Variants in MAP2 observed in about 807,000 individuals in gnomAD.
MAP2 encodes microtubule associated protein 2.
A neutral mutation model predicts 137.6 loss-of-function variants in MAP2; 14 were observed. That is an observed-to-expected ratio of 0.10 (90% CI 0.07 to 0.16). The LOEUF is 0.16. Among genes scored for constraint, MAP2 ranks in the 10% least tolerant of loss-of-function variants. The pLI is 1.00. For missense variants in MAP2, 2,088 were observed against 2,191.5 expected (o/e 0.95, Z 0.94); for synonymous variants, 786 against 782.3 (o/e 1.00, Z -0.08).
At chr2:209,516,197 A>T (rs1305466016) in intron 2 of MAP2, among the ~76,000 whole-genome samples, 1 of 152,168 alleles carries the variant, frequency 6.6e-6, no homozygotes, top group Admixed American at 6.6e-5. Flanking sequence ...AAAAATACAC[A>T]TTTATCTAAA....
intron 5 of MAP2, among the ~76,000 whole-genome samples, chr2:209,662,791 G>A (rs1277499445): frequency 6.6e-6 from 1 of 151,540 alleles, no homozygotes; most frequent in African/African-American, 2.4e-5. Flanking sequence ...ATTATGCATG[G>A]CCTTTATCTG....
intron 1 of MAP2, among the ~76,000 whole-genome samples, chr2:209,445,252 T>C (rs1698788804): frequency 6.6e-6 from 1 of 151,628 alleles, no homozygotes. Context: ...TATTTTGCCT[T>C]CATGCTCTCA....
chr2:209,593,812 A>G (rs1307954134), intron 3 of MAP2, among the ~76,000 whole-genome samples: 1 of 48,308 alleles, frequency 2.1e-5, no homozygotes, highest in Admixed American at 3.7e-4. Context: ...TATATAATAT[A>G]ATATAATACA....
At chr2:209,620,807 A>C (rs2090916803) in intron 3 of MAP2, among the ~76,000 whole-genome samples, 1 of 152,224 alleles carries the variant, frequency 6.6e-6, no homozygotes, top group African/African-American at 2.4e-5. Context: ...GGTCAGATTG[A>C]TAGTGGAGGT....
At chr2:209,700,940 C>T (rs543630446) in intron 11 of MAP2, among the ~76,000 whole-genome samples, 22 of 152,146 alleles carry the variant, frequency 1.4e-4, no homozygotes, top group African/African-American at 4.3e-4. Flanking sequence ...TTAATGACTA[C>T]GTAATACTGC....
At chr2:209,612,356 TA>T (rs2087248400) in intron 3 of MAP2, among the ~76,000 whole-genome samples, 1 of 152,204 alleles carries the variant, frequency 6.6e-6, no homozygotes, top group South Asian at 2.1e-4. Context: ...AGTCAGGGGT[TA>T]AAAACATTCA....
chr2:209,562,378 T>C (rs1435376152), intron 2 of MAP2, among the ~76,000 whole-genome samples: 2 of 150,088 alleles, frequency 1.3e-5, no homozygotes, highest in Non-Finnish European at 2.9e-5. Flanking sequence ...AGCTACACAC[T>C]GGGGGTGTCT....
chr2:209,440,213 A>G (rs2149384430), intron 1 of MAP2, among the ~76,000 whole-genome samples: 1 of 151,588 alleles, frequency 6.6e-6, no homozygotes, highest in Middle Eastern at 3.4e-3. Context: ...GGGAATGGTC[A>G]ATAAGTATTT....
At chr2:209,643,237 C>T (rs1319172910) in intron 4 of MAP2, among the ~76,000 whole-genome samples, 2 of 152,130 alleles carry the variant, frequency 1.3e-5, no homozygotes, top group Non-Finnish European at 2.9e-5. Flanking sequence ...TATTGTTTCT[C>T]CTTTTGCCAA....
At chr2:209,590,245 T>C (rs529388225) in intron 3 of MAP2, among the ~76,000 whole-genome samples, 2 of 151,490 alleles carry the variant, frequency 1.3e-5, no homozygotes, top group East Asian at 1.9e-4. Context: ...ATTATTTTTT[T>C]CCCCCTTTAG....
intron 2 of MAP2, among the ~76,000 whole-genome samples, chr2:209,535,848 C>T (rs1482289919): frequency 1.3e-5 from 2 of 152,242 alleles, no homozygotes; most frequent in East Asian, 1.9e-4. Context: ...TGCTGTTCCT[C>T]ATTGTCTTCT....
At chr2:209,513,399 G>A (rs185246937) in intron 2 of MAP2, among the ~76,000 whole-genome samples, 34 of 152,116 alleles carry the variant, frequency 2.2e-4, no homozygotes, top group East Asian at 5.8e-4. Context: ...ACACTTATGC[G>A]TGCTGTCTCA....
At chr2:209,610,817 A>G (rs758584813) in intron 3 of MAP2, among the ~76,000 whole-genome samples, 5 of 152,172 alleles carry the variant, frequency 3.3e-5, no homozygotes, top group Admixed American at 6.5e-5. Context: ...CTAAATTCCA[A>G]TTAGCTAATG....
At chr2:209,471,486 A>G (rs1306740828) in intron 1 of MAP2, among the ~76,000 whole-genome samples, 3 of 152,152 alleles carry the variant, frequency 2.0e-5, no homozygotes, top group Non-Finnish European at 4.4e-5. Context: ...GTAAGGGAGG[A>G]ATATTAAATG....
At chr2:209,636,406 A>G (rs2093568110) in intron 4 of MAP2, among the ~76,000 whole-genome samples, 1 of 152,106 alleles carries the variant, frequency 6.6e-6, no homozygotes, top group East Asian at 1.9e-4. Flanking sequence ...AGCAGTGTGT[A>G]AGCCTTTTTG....
chr2:209,530,436 T>C (rs1460256620), intron 2 of MAP2, among the ~76,000 whole-genome samples: 3 of 152,192 alleles, frequency 2.0e-5, no homozygotes, highest in Non-Finnish European at 4.4e-5. Flanking sequence ...TGCATGAGAA[T>C]TAGCCCTATT....
intron 10 of MAP2, 115 bp downstream of exon 10, chr2:209,697,166 A>G: frequency 1.8e-6 from 2 of 1,119,242 alleles, no homozygotes; most frequent in Non-Finnish European, 2.5e-6. Context: ...CTCAGCAGTC[A>G]TGAACAATTT....
In MAP2 at chr2:209,665,429, A is replaced by G. The variant is rs186723403; in HGVS notation, c.262+11997A>G. Among the ~76,000 whole-genome samples, 241 of 152,264 alleles carry G rather than the reference A, an allele frequency of 1.6e-3. 1 individual carries two copies. The highest frequency in any genetic ancestry group is 5.6e-3 in the African/African-American group (233 of 41,558). The stretch of plus-strand genomic sequence containing the variant: ...GCCACTGAAATATTCTGTAAATGGA[A>G]CTCTATAATGCATGTCTTTTTTGAT... On this transcript the variant is annotated intron_variant, in intron 5 of 15. Coordinates refer to ENST00000682079, the MANE Select transcript of MAP2 (RefSeq NM_001375505.1).
chr2:209,454,538 T>C (rs1168029281), intron 1 of MAP2, among the ~76,000 whole-genome samples: 1 of 152,048 alleles, frequency 6.6e-6, no homozygotes, highest in Non-Finnish European at 1.5e-5. Context: ...GGTTTCACCA[T>C]GTTGGCCAGG....
Sources: allele counts gnomAD v4.1 joint callset (sites outside exome capture counted in the v4.1 genomes callset), GRCh38; gene constraint gnomAD v4.1.1; transcripts MANE v1.5; gene names NCBI Gene and HGNC (gene_info 2026-07-23, HGNC 2026-07-21).